NRP2: variants seen among roughly 807,000 people sequenced by gnomAD.
The protein encoded by NRP2 is neuropilin-2.
NRP2 carries 52 observed loss-of-function variants against 110.4 expected under a neutral mutation model. The observed-to-expected ratio is 0.47, with a 90% CI of 0.38 to 0.59. The LOEUF is 0.59. Among genes scored for constraint, NRP2 ranks in the 20% least tolerant of loss-of-function variants. The pLI is 0.00. For synonymous variants in NRP2, 508 were observed against 468.9 expected (o/e 1.08, Z -1.08); for missense variants, 1,049 against 1,203.0 (o/e 0.87, Z 1.89).
chr2:205,790,584 G>A (rs1421078108), intron 15 of NRP2, among the ~76,000 whole-genome samples: 1 of 151,572 alleles, frequency 6.6e-6, no homozygotes, highest in East Asian at 1.9e-4. Context: ...TGGTGAAGAT[G>A]TTAAGACATA....
At chr2:205,788,511 C>G (rs1373976373) in intron 15 of NRP2, among the ~76,000 whole-genome samples, 3 of 152,152 alleles carry the variant, frequency 2.0e-5, no homozygotes, top group Non-Finnish European at 4.4e-5. Flanking sequence ...CTTGATGAGC[C>G]TGATACGAAT....
At chr2:205,758,280 T>G (rs937075291) in intron 12 of NRP2, among the ~76,000 whole-genome samples, 2 of 152,138 alleles carry the variant, frequency 1.3e-5, no homozygotes, top group African/African-American at 4.8e-5. Flanking sequence ...CAGATGGTCG[T>G]TCTAGTAGGA....
intron 7 of NRP2, among the ~76,000 whole-genome samples, chr2:205,736,846 T>C (rs1017774452): frequency 6.6e-6 from 1 of 152,182 alleles, no homozygotes; most frequent in Admixed American, 6.5e-5. Flanking sequence ...CAAGAATCCA[T>C]CTCAGTGAAT....
At chr2:205,762,224 A>T (rs2057835235) in intron 12 of NRP2, 1 of 152,216 alleles carries the variant, frequency 6.6e-6, no homozygotes, top group Non-Finnish European at 1.5e-5. Flanking sequence ...AACTGGTCTC[A>T]TTTGACTTCA....
intron 8 of NRP2, 60 bp from the exon 9 acceptor site, chr2:205,743,143 G>T (rs1030549824): frequency 2.5e-6 from 4 of 1,601,172 alleles, no homozygotes; most frequent in Non-Finnish European, 3.4e-6. Context: ...CTTATAGCGG[G>T]TGGTCCCTGG....
Position 205,792,247 on chromosome 2 carries a change from A to C in NRP2, c.2438A>C (p.Glu813Ala), listed in dbSNP as rs770217245. The C allele has an allele frequency of 5.6e-6, 9 of 1,594,764 alleles. No individual in the cohort carries two copies. The South Asian group carries it at 9.9e-5, about 18-fold the overall frequency. The change falls in exon 16 of 17, where the codon GAA becomes GCA. Residue 813 changes from glutamate (E) to alanine (A), a missense_variant. By Grantham distance (107) the Glu-to-Ala change is moderately radical. Coordinates refer to ENST00000357785, the MANE Select transcript of NRP2 (RefSeq NM_003872.3). ...PISAFAVDIPEIHEREGYEDE... is the reference protein window; with the variant it reads ...PISAFAVDIPAIHEREGYEDE... ...CTTTATATTATAGTGGACATCCCAG[A>C]AATACATGAGAGAGAAGGATATGAA...
In NRP2 at chr2:205,749,616, C is replaced by A. The variant is rs2057604596; in HGVS notation, c.1787-109C>A. ...AGACATGACTTCAGAGTTCCGTGCA[C>A]ATGTGTGCATCTTCTTTCCCTTCTC... On this transcript the variant is annotated intron_variant, in intron 10 of 16. Transcript: ENST00000357785. 13 of 869,552 alleles carry A rather than the reference C, an allele frequency of 1.5e-5. No homozygotes were observed. The Admixed American group carries it at 2.3e-4, about 15-fold the overall frequency. The allele number at this position is 869,552 out of a possible 1,614,324, so 53.9% of individuals were successfully genotyped here. A position where few individuals can be genotyped will look rare whatever the true frequency, so the allele number is the denominator to read the frequency against.
chr2:205,690,579 T>TACACACACAC (rs10591632), intron 1 of NRP2, among the ~76,000 whole-genome samples: 5 of 124,184 alleles, frequency 4.0e-5, no homozygotes, highest in Non-Finnish European at 6.6e-5. Flanking sequence ...CTGCTAAAAA[T>TACACACACAC]ACACACACAC....
At chr2:205,707,716 C>T (rs1338724205) in intron 2 of NRP2, among the ~76,000 whole-genome samples, 1 of 152,202 alleles carries the variant, frequency 6.6e-6, no homozygotes, top group Non-Finnish European at 1.5e-5. Context: ...CTTCCGTTCC[C>T]AGCAGGCTCC....
At chr2:205,793,282 T>C (rs1157269634) in intron 16 of NRP2, among the ~76,000 whole-genome samples, 1 of 152,244 alleles carries the variant, frequency 6.6e-6, no homozygotes, top group Non-Finnish European at 1.5e-5. Context: ...CTGCTTTAAC[T>C]GCTTGCTAAG....
chr2:205,784,386 G>A (rs71427799), intron 15 of NRP2, among the ~76,000 whole-genome samples: 2,481 of 152,312 alleles, frequency 0.016, 33 homozygotes, highest in Middle Eastern at 0.034. Flanking sequence ...CAGGGCCTGC[G>A]AGAACAGGCA....
chr2:205,687,897 G>T (rs2105863197), intron 1 of NRP2, among the ~76,000 whole-genome samples: 1 of 152,338 alleles, frequency 6.6e-6, no homozygotes, highest in East Asian at 1.9e-4. Flanking sequence ...GGGGTCTGGG[G>T]TCAGTGAGGA....
chr2:205,754,139 C>T (rs2057696169), intron 12 of NRP2, among the ~76,000 whole-genome samples: 2 of 152,188 alleles, frequency 1.3e-5, no homozygotes, highest in Admixed American at 6.5e-5. Flanking sequence ...CTGGCCTGGA[C>T]CTGAGACCTC....
intron 12 of NRP2, among the ~76,000 whole-genome samples, chr2:205,753,330 C>G (rs533031143): frequency 6.6e-6 from 1 of 152,312 alleles, no homozygotes; most frequent in East Asian, 1.9e-4. Context: ...TATCACAGAG[C>G]CCCTTGTCAA....
chr2:205,684,965 C>T (rs1159922025), intron 1 of NRP2, among the ~76,000 whole-genome samples: 1 of 152,222 alleles, frequency 6.6e-6, no homozygotes, highest in East Asian at 1.9e-4. Flanking sequence ...CACACACTGG[C>T]ACTCACACTG....
At chr2:205,698,909 A>G (rs1232680257) in intron 2 of NRP2, among the ~76,000 whole-genome samples, 1 of 152,254 alleles carries the variant, frequency 6.6e-6, no homozygotes, top group Non-Finnish European at 1.5e-5. Flanking sequence ...CCTACAGGCC[A>G]GGTCTGGGCC....
At chr2:205,765,663 G>A (rs1032980009) in intron 14 of NRP2, 93 bp downstream of exon 14, 1 of 1,091,610 alleles carries the variant, frequency 9.2e-7, no homozygotes, top group African/African-American at 1.5e-5. Flanking sequence ...TTCCAATGCA[G>A]TCGTTACCCA....
chr2:205,791,045 C>T (rs2058295766), intron 15 of NRP2, among the ~76,000 whole-genome samples: 2 of 152,110 alleles, frequency 1.3e-5, no homozygotes, highest in South Asian at 2.1e-4. Flanking sequence ...AAACCATGGC[C>T]TCCAGGAAAA....
At chr2:205,709,829 A>G (rs904032750) in intron 2 of NRP2, among the ~76,000 whole-genome samples, 1 of 152,206 alleles carries the variant, frequency 6.6e-6, no homozygotes, top group Admixed American at 6.5e-5. Context: ...GAGCTTATAA[A>G]TATATGGGAT....
Sources: allele counts gnomAD v4.1 joint callset (sites outside exome capture counted in the v4.1 genomes callset), GRCh38; gene constraint gnomAD v4.1.1; transcripts MANE v1.5; gene names NCBI Gene and HGNC (gene_info 2026-07-23, HGNC 2026-07-21).